Variants in DNAH6 observed in about 807,000 individuals in gnomAD.
DNAH6 encodes the protein dynein axonemal heavy chain 6.
DNAH6 carries 340 observed loss-of-function variants against 491.4 expected under a neutral mutation model. The observed-to-expected ratio is 0.69, with a 90% confidence interval of 0.63 to 0.76. The LOEUF (loss-of-function observed/expected upper bound fraction) is 0.76. Among genes scored for constraint, DNAH6 ranks in the 30% least tolerant of loss-of-function variants. DNAH6 has a pLI of 0.00. For missense variants in DNAH6, 4,443 were observed against 4,972.2 expected (o/e 0.89, Z 3.20); for synonymous variants, 1,603 against 1,686.1 (o/e 0.95, Z 1.21).
chr2:84,545,948 G>C (rs1177434577), intron 5 of DNAH6, among the ~76,000 whole-genome samples: 1 of 152,028 alleles, frequency 6.6e-6, no homozygotes, highest in Non-Finnish European at 1.5e-5. Context: ...CACATCTGAA[G>C]TACACAATTC....
intron 18 of DNAH6, 107 bp from the exon 19 acceptor site, chr2:84,604,232 A>T: frequency 1.2e-6 from 1 of 809,480 alleles, no homozygotes; most frequent in Non-Finnish European, 2.0e-6. Context: ...AAAGAGGGTA[A>T]GTGGTGCTCT....
intron 43 of DNAH6, among the ~76,000 whole-genome samples, chr2:84,686,088 T>C (rs1202157891): frequency 1.3e-5 from 2 of 151,390 alleles, no homozygotes; most frequent in African/African-American, 4.9e-5. Flanking sequence ...CTCAGGAGGC[T>C]GAGGCAAGAG....
At chr2:84,527,161 C>T (rs1676679569) in intron 3 of DNAH6, among the ~76,000 whole-genome samples, 1 of 152,052 alleles carries the variant, frequency 6.6e-6, no homozygotes, top group Admixed American at 6.6e-5. Flanking sequence ...TAAAGGAAGG[C>T]AGGCAGGAAG....
chr2:84,483,667 A>C, the DNAH6 span, among the ~76,000 whole-genome samples: 2 of 152,194 alleles, frequency 1.3e-5, no homozygotes, highest in Admixed American at 6.5e-5. Flanking sequence ...TTATGGATTT[A>C]ATATAAAAAC....
At chr2:84,728,014 T>C (rs1418698670) in intron 61 of DNAH6, 112 bp downstream of exon 61, 3 of 696,862 alleles carry the variant, frequency 4.3e-6, no homozygotes, top group South Asian at 1.8e-5. Context: ...ATGGACCTGG[T>C]GGGAGATTAC....
the DNAH6 span, among the ~76,000 whole-genome samples, chr2:84,473,917 T>C: frequency 4.6e-5 from 7 of 152,200 alleles, no homozygotes; most frequent in South Asian, 4.1e-4. Context: ...TATAACATTT[T>C]TTAAACTGTT....
chr2:84,556,627 A>G (rs1680050237), intron 10 of DNAH6, among the ~76,000 whole-genome samples: 1 of 152,248 alleles, frequency 6.6e-6, no homozygotes, highest in South Asian at 2.1e-4. Flanking sequence ...AAAGATTATT[A>G]AAATAATCCA....
intron 61 of DNAH6, among the ~76,000 whole-genome samples, chr2:84,730,054 A>G (rs1223457401): frequency 6.6e-6 from 1 of 152,216 alleles, no homozygotes; most frequent in Non-Finnish European, 1.5e-5. Flanking sequence ...AGAATAAAAG[A>G]TGAGTGTCCA....
At position 84,705,656 on chromosome 2, in the gene DNAH6, A is replaced by C. The variant is rs980930749; in HGVS notation, c.8636A>C (p.Lys2879Thr). The C allele has an allele frequency of 2.6e-6, 4 of 1,551,586 alleles. No homozygotes were observed. The African/African-American group carries it at 5.5e-5, about 21-fold the overall frequency. ...GTGGAGAAAGTGTCCAAAGCATGTAAATCTATGTGCATGTGGGTAAGAGCT... is the reference window on the plus strand; with the variant it reads ...GTGGAGAAAGTGTCCAAAGCATGTACATCTATGTGCATGTGGGTAAGAGCT... ...EKVEKVSKACKSMCMWVRAMD... is the reference protein window; with the variant it reads ...EKVEKVSKACTSMCMWVRAMD... The change falls in exon 52 of 77, where the codon AAA becomes ACA. Residue 2879 changes from lysine (K) to threonine (T), a missense_variant. Physicochemically the swap from Lys to Thr is moderately conservative, Grantham distance 78 (BLOSUM62 -1). Around this residue, in one of 3 missense-constraint regions of DNAH6, gnomAD observed 1,463 missense variants for 1,656.6 expected, o/e 0.88. Transcript: ENST00000389394.
rs559177392 is a variant in DNAH6, at chr2:84,591,342, A to G, written c.2610+2388A>G. ...CAAAAGATAAAGAAAACAATTTACA[A>G]TAGCATAAAAAATATCATGCCATTT... is the stretch of plus-strand genomic sequence containing the variant. On this transcript the variant is annotated intron_variant, in intron 16 of 76. Coordinates refer to ENST00000389394, the MANE Select transcript of DNAH6 (RefSeq NM_001370.2). Among the ~76,000 whole-genome samples the G allele has an allele frequency of 9.8e-5, 15 of 152,362 alleles. No individual in the cohort carries two copies. In the East Asian group the frequency reaches 2.1e-3, roughly 22 times the overall value.
At chr2:84,606,358 G>A (rs1685765035) in intron 20 of DNAH6, among the ~76,000 whole-genome samples, 1 of 152,192 alleles carries the variant, frequency 6.6e-6, no homozygotes, top group Non-Finnish European at 1.5e-5. Context: ...GTCATGTGGT[G>A]AGGGTTCTAC....
chr2:84,741,894 GC>G (rs1224681818), intron 62 of DNAH6, among the ~76,000 whole-genome samples: 1 of 152,192 alleles, frequency 6.6e-6, no homozygotes, highest in Non-Finnish European at 1.5e-5. Context: ...TTCTCCTGTA[GC>G]CAAGATCTTA....
chr2:84,667,714 G>A (rs7596080), intron 37 of DNAH6, among the ~76,000 whole-genome samples: 147,034 of 152,310 alleles, frequency 0.97, 71,028 homozygotes, highest in East Asian at 1. Flanking sequence ...TAGAAATACC[G>A]TTTGACCCAG....
intron 64 of DNAH6, among the ~76,000 whole-genome samples, chr2:84,764,210 C>G (rs1177661424): frequency 6.6e-6 from 1 of 151,750 alleles, no homozygotes; most frequent in Non-Finnish European, 1.5e-5. Flanking sequence ...TCAAATGATC[C>G]TAAACATTTG....
rs1331505565 is a variant in DNAH6, at chr2:84,784,772, A to G, written c.10915A>G (p.Asn3639Asp). Residue 3639 changes from asparagine to aspartate, a missense_variant, in exon 66 of 77, where the codon AAT (asparagine) becomes GAT (aspartate). Coordinates refer to ENST00000389394, the MANE Select transcript of DNAH6 (RefSeq NM_001370.2). ...ACTTTTTTTAAGCTCCATGCCTAGT[A>G]ATACATTTCCTGTTACAGTTCTTCA... ...FRLFLSSMPS[N>D]TFPVTVLQNS... is the part of the protein sequence containing the mutation. The G allele has an allele frequency of 6.4e-7, 1 of 1,550,644 alleles. No homozygotes were observed. Among genetic ancestry groups the G allele is most frequent in the Non-Finnish European group, 8.7e-7 (1 of 1,146,116 alleles).
At chr2:84,671,501 A>C (rs1692734360) in intron 39 of DNAH6, among the ~76,000 whole-genome samples, 1 of 152,064 alleles carries the variant, frequency 6.6e-6, no homozygotes. Flanking sequence ...CATGCCAAAC[A>C]ATGGTGCTGC....
chr2:84,724,108 ACT>A (rs1698413573), intron 60 of DNAH6, among the ~76,000 whole-genome samples: 1 of 151,756 alleles, frequency 6.6e-6, no homozygotes, highest in African/African-American at 2.4e-5. Context: ...AGTTTAACTT[ACT>A]CTCACTTTTC....
At chr2:84,594,110 T>A in intron 17 of DNAH6, 25 bp downstream of exon 17, 3 of 1,230,482 alleles carry the variant, frequency 2.4e-6, no homozygotes, top group Non-Finnish European at 3.4e-6. Flanking sequence ...CCTTCAGTTC[T>A]CAAATTATTT....
intron 33 of DNAH6, among the ~76,000 whole-genome samples, chr2:84,646,055 T>A (rs901290267): frequency 1.5e-4 from 23 of 152,354 alleles, no homozygotes; most frequent in Middle Eastern, 3.4e-3. Context: ...AGCAAGTTTA[T>A]CAGCACAGTT....
Sources: allele counts gnomAD v4.1 joint callset (sites outside exome capture counted in the v4.1 genomes callset), GRCh38; gene constraint gnomAD v4.1.1; regional missense constraint gnomAD v4.1.1; transcripts MANE v1.5; gene names NCBI Gene and HGNC (gene_info 2026-07-23, HGNC 2026-07-21).